MTMR12: variants seen among roughly 807,000 people sequenced by gnomAD.
MTMR12 encodes the protein myotubularin-related protein 12.
A neutral mutation model predicts 96.7 loss-of-function variants in MTMR12; 33 were observed. The ratio of observed to expected loss-of-function variants is 0.34; its 90% CI spans 0.26 to 0.46. The LOEUF is 0.46. MTMR12 is among the 20% of genes least tolerant of loss of function. The probability of loss-of-function intolerance (pLI) is 1.00; values close to 1 mark genes in which losing one functional copy is unlikely to be tolerated. For missense variants in MTMR12, 721 were observed against 896.1 expected (o/e 0.80, Z 2.49); for synonymous variants, 298 against 327.2 (o/e 0.91, Z 0.96).
chr5:32,280,930 T>C (rs1404754294), intron 1 of MTMR12, among the ~76,000 whole-genome samples: 1 of 151,378 alleles, frequency 6.6e-6, no homozygotes, highest in Non-Finnish European at 1.5e-5. Context: ...CTTTCATGAG[T>C]AAACAAAGAG....
At chr5:32,307,260 A>G (rs1299819755) in intron 1 of MTMR12, among the ~76,000 whole-genome samples, 1 of 152,138 alleles carries the variant, frequency 6.6e-6, no homozygotes, top group Non-Finnish European at 1.5e-5. Context: ...AATAATTCAA[A>G]CAGGTGTTTT....
chr5:32,289,785 G>T (rs1750675947), intron 1 of MTMR12, among the ~76,000 whole-genome samples: 1 of 152,172 alleles, frequency 6.6e-6, no homozygotes, highest in South Asian at 2.1e-4. Flanking sequence ...TAACTGGTAG[G>T]GTGAGGGCTA....
intron 2 of MTMR12, among the ~76,000 whole-genome samples, chr5:32,275,971 G>A (rs1750035845): frequency 6.6e-6 from 1 of 152,112 alleles, no homozygotes; most frequent in Admixed American, 6.5e-5. Context: ...TTGTTTTGGG[G>A]AAATGTACCT....
chr5:32,253,443 TAAAAG>T (rs1245469310), intron 8 of MTMR12, among the ~76,000 whole-genome samples: 1 of 152,234 alleles, frequency 6.6e-6, no homozygotes, highest in Non-Finnish European at 1.5e-5. Context: ...AATTTTATGT[TAAAAG>T]AAAAGAGAGG....
Position 32,268,798 on chromosome 5 carries a change from A to C in MTMR12, c.490-4T>G, listed in dbSNP as rs1385188689. The C allele has an allele frequency of 1.2e-6, 2 of 1,606,786 alleles. No individual in the cohort carries two copies. The highest frequency in any genetic ancestry group is 1.7e-5 in the Admixed American group (1 of 60,010). On this transcript the variant is annotated splice_polypyrimidine_tract_variant and splice_region_variant and intron_variant, in intron 5 of 15. Coordinates refer to ENST00000382142, the MANE Select transcript of MTMR12 (RefSeq NM_001040446.3). ...GATGAATTATGCCACTGACAATCTA[A>C]AAAAGAATCGAACAATGGATATAGT...
intron 1 of MTMR12, among the ~76,000 whole-genome samples, chr5:32,297,692 C>T (rs1292735832): frequency 6.6e-6 from 1 of 152,146 alleles, no homozygotes; most frequent in African/African-American, 2.4e-5. Flanking sequence ...GGATCACTCT[C>T]ACCAGGCATT....
At chr5:32,255,882 T>C (rs1749115285) in intron 7 of MTMR12, 114 bp from the exon 8 acceptor site, 6 of 892,606 alleles carry the variant, frequency 6.7e-6, no homozygotes, top group Admixed American at 4.9e-5. Flanking sequence ...GATGGGACCA[T>C]ATTTCCCTGT....
intron 15 of MTMR12, among the ~76,000 whole-genome samples, chr5:32,232,013 G>A (rs556953392): frequency 2.6e-5 from 4 of 152,356 alleles, no homozygotes; most frequent in African/African-American, 9.6e-5. Context: ...CAGAGCCTGG[G>A]CTCTCTACTG....
rs752699055 is a variant in MTMR12 at position 32,248,175 on chromosome 5, G to T, written c.897-49C>A. Reference sequence around the variant, plus strand: ...GATTAGAAGAGCAAACTCAAATTTTGCTTAAGGATTTACTACGTGCCACAA... The same window carrying T: ...GATTAGAAGAGCAAACTCAAATTTTTCTTAAGGATTTACTACGTGCCACAA... On this transcript the variant is annotated intron_variant, in intron 9 of 15. Coordinates refer to ENST00000382142, the MANE Select transcript of MTMR12 (RefSeq NM_001040446.3). 4 of 1,591,714 alleles carry T rather than the reference G, an allele frequency of 2.5e-6. No homozygotes were observed. The Admixed American group carries it at 5.1e-5, about 20-fold the overall frequency.
At chr5:32,231,765 G>T (rs1196879219) in intron 15 of MTMR12, among the ~76,000 whole-genome samples, 2 of 152,156 alleles carry the variant, frequency 1.3e-5, no homozygotes, top group Non-Finnish European at 2.9e-5. Flanking sequence ...GGATTCAGTG[G>T]CCTCTCTTTT....
chr5:32,286,899 T>C (rs1251700538), intron 1 of MTMR12, among the ~76,000 whole-genome samples: 1 of 152,126 alleles, frequency 6.6e-6, no homozygotes, highest in Non-Finnish European at 1.5e-5. Flanking sequence ...TGATCATCTC[T>C]TATGCACCTG....
intron 1 of MTMR12, among the ~76,000 whole-genome samples, chr5:32,298,812 G>C (rs1751019484): frequency 6.6e-6 from 1 of 151,972 alleles, no homozygotes; most frequent in African/African-American, 2.4e-5. Flanking sequence ...AATTAGCTGG[G>C]CGTGGTGGCA....
At chr5:32,266,779 T>C (rs980304848) in intron 6 of MTMR12, among the ~76,000 whole-genome samples, 29 of 151,154 alleles carry the variant, frequency 1.9e-4, no homozygotes, top group East Asian at 7.8e-4. Context: ...ATCAGCTTCA[T>C]GTTAAGAGTA....
In MTMR12 at chr5:32,229,923, G is replaced by A; in HGVS notation, c.2099C>T (p.Ala700Val). 2 of 1,612,962 alleles carry A rather than the reference G, an allele frequency of 1.2e-6. No individual in the cohort carries two copies. The highest frequency in any genetic ancestry group is 1.7e-6 in the Non-Finnish European group (2 of 1,179,276). ...AEAPCLLRNS[A>V]RLSSLFPFAL... The stretch of plus-strand genomic sequence containing the variant: ...GAAAGGAAACAAAGACGAGAGGCGG[G>A]CAGAGTTCCTCAGCAGGCAGGGGGC... Residue 700 changes from alanine to valine, a missense_variant, in exon 16 of 16, where the codon GCC becomes GTC. Ala to Val is a moderately conservative substitution (Grantham distance 64, BLOSUM62 0). Transcript: ENST00000382142.
intron 1 of MTMR12, among the ~76,000 whole-genome samples, chr5:32,284,406 T>C (rs1750441247): frequency 6.6e-6 from 1 of 151,050 alleles, no homozygotes; most frequent in Admixed American, 6.6e-5. Flanking sequence ...GCTCTACTCA[T>C]ATTGCAATAT....
chr5:32,305,756 A>G (rs1751331047), intron 1 of MTMR12, among the ~76,000 whole-genome samples: 2 of 152,178 alleles, frequency 1.3e-5, no homozygotes, highest in South Asian at 4.1e-4. Context: ...ATACAAAATT[A>G]GCAGAGTGTA....
intron 7 of MTMR12, among the ~76,000 whole-genome samples, chr5:32,259,003 T>C (rs1229621979): frequency 1.3e-5 from 2 of 151,356 alleles, no homozygotes; most frequent in East Asian, 1.9e-4. Context: ...AGCACTGCAG[T>C]CAGTGAGAGG....
intron 1 of MTMR12, among the ~76,000 whole-genome samples, chr5:32,286,915 T>C (rs1014547326): frequency 1.3e-5 from 2 of 152,172 alleles, no homozygotes; most frequent in Admixed American, 1.3e-4. Context: ...ACCTGCTCTC[T>C]TCCACGCACA....
chr5:32,246,261 G>A (rs556364550), intron 10 of MTMR12, among the ~76,000 whole-genome samples: 7 of 149,620 alleles, frequency 4.7e-5, no homozygotes, highest in African/African-American at 1.7e-4. Context: ...CCACCTCTCG[G>A]GTTCATTTTC....
Sources: allele counts gnomAD v4.1 joint callset (sites outside exome capture counted in the v4.1 genomes callset), GRCh38; gene constraint gnomAD v4.1.1; transcripts MANE v1.5; gene names NCBI Gene and HGNC (gene_info 2026-07-23, HGNC 2026-07-21).